MINK1: variants seen among roughly 807,000 people sequenced by gnomAD.
The protein encoded by MINK1 is misshapen-like kinase 1.
In MINK1, 46 loss-of-function variants were observed where a neutral mutation model predicts 178.4. The observed-to-expected ratio is 0.26, with a 90% confidence interval of 0.20 to 0.33. The LOEUF is 0.33. MINK1 is among the 10% of genes least tolerant of loss of function. MINK1 has a pLI of 1.00. For synonymous variants in MINK1, 797 were observed against 709.7 expected, an observed-to-expected ratio of 1.12 and a Z score of -1.96; for missense variants, 1,366 against 1,814.9, an observed-to-expected ratio of 0.75 and a Z score of 4.49.
At chr17:4,863,650 G>T (rs1914517908) in intron 1 of MINK1, among the ~76,000 whole-genome samples, 1 of 152,054 alleles carries the variant, frequency 6.6e-6, no homozygotes, top group Non-Finnish European at 1.5e-5. Context: ...TTTAATTGTT[G>T]TAAACTTTTT....
chr17:4,897,285 T>G lies in MINK1; in HGVS notation c.3997T>G (p.Ter1333GlyextTer37). 4.3e-6 allele frequency: 7 copies of G among 1,613,552 alleles called. No homozygotes were observed. Among genetic ancestry groups the G allele is most frequent in the Non-Finnish European group, 5.9e-6 (7 of 1,179,648 alleles). ...GAACCGTAACTGCATCATGAACTGG[T>G]GACGGGGCCCTGGGCTGGGGCTGTC... ...TLNRNCIMNW[*>G] Residue 1333 changes from the stop codon to glycine (G), a stop_lost, in exon 32 of 32, where the codon TGA (stop) becomes GGA (glycine). Coordinates refer to ENST00000355280, the MANE Select transcript of MINK1 (RefSeq NM_153827.5).
At position 4,863,114 on chromosome 17, in the gene MINK1, C is replaced by T. The variant is rs552274763; in HGVS notation, c.58-15203C>T. Among the ~76,000 whole-genome samples the T allele has an allele frequency of 5.3e-5, 8 of 152,308 alleles. No individual in the cohort carries two copies. In the South Asian group the frequency reaches 8.3e-4, roughly 16 times the overall value. ...AAGAGAAAAGAAAAAGAATCTTGTT[C>T]GAACCTAGGCACCTGAATGGCAGCC... On this transcript the variant is annotated intron_variant, in intron 1 of 31. Transcript: ENST00000355280.
At chr17:4,884,552 C>A in intron 5 of MINK1, 79 bp downstream of exon 5, 1 of 1,093,154 alleles carries the variant, frequency 9.1e-7, no homozygotes, top group Non-Finnish European at 1.4e-6. Context: ...ATCCTCCCTG[C>A]GCTGGGAGGA....
At position 4,881,265 on chromosome 17, in the gene MINK1, A is replaced by G. The variant is rs1308974834; in HGVS notation, c.306+8A>G. The G allele has an allele frequency of 6.5e-7, 1 of 1,536,544 alleles. No homozygotes were observed. Among genetic ancestry groups the G allele is most frequent in the Non-Finnish European group, 8.7e-7 (1 of 1,146,622 alleles). On this transcript the variant is annotated splice_region_variant and intron_variant, in intron 4 of 31. Transcript: ENST00000355280. Reference sequence around the variant, plus strand: ...AACGATGACCAGCTCTGGGTGAGAAACGCCCCCCTGCCCGCCTTCCCTCCC... The same window carrying G: ...AACGATGACCAGCTCTGGGTGAGAAGCGCCCCCCTGCCCGCCTTCCCTCCC...
intron 1 of MINK1, chr17:4,847,139 C>A: frequency 2.1e-6 from 1 of 470,648 alleles, no homozygotes; most frequent in Admixed American, 2.3e-5. Context: ...GCTAACACAA[C>A]GGGCTGTTTG....
At chr17:4,860,050 G>T (rs1173918596) in intron 1 of MINK1, among the ~76,000 whole-genome samples, 1 of 151,926 alleles carries the variant, frequency 6.6e-6, no homozygotes, top group Non-Finnish European at 1.5e-5. Context: ...GCGGAGCGGG[G>T]TACAGGGGGA....
At chr17:4,875,864 CG>C (rs1967137428) in intron 1 of MINK1, among the ~76,000 whole-genome samples, 1 of 149,706 alleles carries the variant, frequency 6.7e-6, no homozygotes, top group African/African-American at 2.5e-5. Flanking sequence ...GGTGTGATCT[CG>C]GCTCACTGCA....
rs961959749 is a variant in MINK1 at position 4,897,897 on chromosome 17, G to C, written c.*610G>C. The C allele has an allele frequency of 7.6e-6, 1 of 131,976 alleles. No individual in the cohort carries two copies. The highest frequency in any genetic ancestry group is 8.3e-5 in the Admixed American group (1 of 12,004). 8.2% of individuals were successfully genotyped at this position (131,976 alleles called of 1,614,324 possible). On this transcript the variant is annotated 3_prime_UTR_variant, in exon 32 of 32. Transcript: ENST00000355280. Reference sequence around the variant, plus strand: ...CCTCTTCTAGCCCATGCCCTTCCCCGGTGGAGGGAGGGAGCAGGGAGCCCT... The same window carrying C: ...CCTCTTCTAGCCCATGCCCTTCCCCCGTGGAGGGAGGGAGCAGGGAGCCCT...
chr17:4,834,847 G>T (rs1477454943), intron 1 of MINK1: 1 of 520,120 alleles, frequency 1.9e-6, no homozygotes, highest in Admixed American at 1.9e-5. Flanking sequence ...AACATGGCCA[G>T]TAGTGGGAAA....
chr17:4,863,802 A>ATTT (rs1214743671), intron 1 of MINK1, among the ~76,000 whole-genome samples: 3 of 151,450 alleles, frequency 2.0e-5, no homozygotes, highest in Admixed American at 1.3e-4. Flanking sequence ...TATTATTATT[A>ATTT]TTTTTGAGAC....
chr17:4,883,125 A>T (rs1967859568), intron 4 of MINK1: 1 of 151,690 alleles, frequency 6.6e-6, no homozygotes, highest in Non-Finnish European at 1.5e-5. Flanking sequence ...TGTCTCAAAA[A>T]AAAAAAAAAA....
In MINK1 at chr17:4,892,513, G is replaced by C; in HGVS notation, c.2198+1G>C. ...CCCCTGGCCCGCCCAACGCCTCTAG[G>C]TAATAGAGTTGTCCCCCAACTCACT... On this transcript the variant is annotated splice_donor_variant, in intron 18 of 31. Coordinates refer to ENST00000355280, the MANE Select transcript of MINK1 (RefSeq NM_153827.5). LOFTEE classifies it high-confidence loss of function. The C allele has an allele frequency of 1.3e-6, 2 of 1,552,404 alleles. No homozygotes were observed. Among genetic ancestry groups the C allele is most frequent in the Non-Finnish European group, 1.7e-6 (2 of 1,145,140 alleles).
chr17:4,850,894 C>T lies in MINK1; in HGVS notation c.57+17254C>T, dbSNP rs150384439. 51 of 363,748 alleles carry T rather than the reference C, an allele frequency of 1.4e-4. 2 individuals are homozygous for T. The East Asian group carries it at 4.1e-3, about 29-fold the overall frequency. 22.5% of individuals were successfully genotyped at this position (363,748 alleles called of 1,614,324 possible). On this transcript the variant is annotated intron_variant, in intron 1 of 31. Coordinates refer to ENST00000355280, the MANE Select transcript of MINK1 (RefSeq NM_153827.5). ...TTAGCTTGGTATCTGCCAGCCTGAA[C>T]GGGCCTGGCATCTCCTTTCTGCCCC... is the stretch of plus-strand genomic sequence containing the variant.
At chr17:4,866,685 T>C (rs542527866) in intron 1 of MINK1, among the ~76,000 whole-genome samples, 4 of 151,022 alleles carry the variant, frequency 2.6e-5, no homozygotes, top group African/African-American at 9.7e-5. Context: ...TGAGGTAGGA[T>C]TGCTTAAGCA....
chr17:4,884,812 G>C, intron 5 of MINK1, 100 bp from the exon 6 acceptor site: 3 of 1,051,478 alleles, frequency 2.9e-6, no homozygotes, highest in Non-Finnish European at 2.9e-6. Flanking sequence ...GCCCAGCCCT[G>C]TCCAGACTGA....
rs368937049 is a variant in MINK1, at chr17:4,887,226, G to T, written c.1019+47G>T. 5.2e-5 allele frequency: 79 copies of T among 1,533,914 alleles called. No individual in the cohort carries two copies. In the African/African-American group the frequency reaches 6.8e-4, roughly 13 times the overall value. ...GGGGTTGGGGCGGTCATCGCTGAGT[G>T]GGGGGACTACAGTGGTGCTTGGCTT... On this transcript the variant is annotated intron_variant, in intron 11 of 31. Transcript: ENST00000355280. This position sits in a 1 kb window ranked among gnomAD's most constrained non-coding sequence, Gnocchi z 7.6.
At chr17:4,889,814 C>T in intron 13 of MINK1, 51 bp downstream of exon 13, 1 of 1,203,756 alleles carries the variant, frequency 8.3e-7, no homozygotes, top group Non-Finnish European at 1.1e-6. Context: ...GCTCCTGCTG[C>T]CTGCCGCCCC....
At chr17:4,839,119 A>G (rs1456165320) in intron 1 of MINK1, among the ~76,000 whole-genome samples, 1 of 151,888 alleles carries the variant, frequency 6.6e-6, no homozygotes, top group Non-Finnish European at 1.5e-5. Context: ...AATTTTTTGT[A>G]TTTTTAGTAG....
rs773473456 is a variant in MINK1 at position 4,894,681 on chromosome 17, G to A, written c.2917+48G>A. ...GCTGTGAGGCCAGGGTCCAGGGGCA[G>A]CCTGGAGGGGAGCACAGTGGTCTTG... is the stretch of plus-strand genomic sequence containing the variant. On this transcript the variant is annotated intron_variant, in intron 24 of 31. Transcript: ENST00000355280. The surrounding 1 kb of genome is among the most constrained non-coding windows in gnomAD (Gnocchi z 4.1). 2 of 1,406,416 alleles carry A rather than the reference G, an allele frequency of 1.4e-6. No homozygotes were observed. The highest frequency in any genetic ancestry group is 2.4e-5 in the East Asian group (1 of 41,400). The allele number at this position is 1,406,416 out of a possible 1,614,324, so 87.1% of individuals were successfully genotyped here.
Sources: gnomAD v4.1 joint callset for allele counts (sites outside exome capture counted in the v4.1 genomes callset) on GRCh38, gnomAD v4.1.1 for gene constraint, Gnocchi (gnomAD v3.1) non-coding constraint, MANE v1.5 for transcripts, NCBI Gene and HGNC (gene_info 2026-07-23, HGNC 2026-07-21) for gene names.